The following TBC1D32 variants were observed in gnomAD, a reference collection of about 807,000 sequenced individuals.
TBC1D32 encodes the protein protein broad-minded.
A neutral mutation model predicts 170.3 loss-of-function variants in TBC1D32; 151 were observed. The ratio of observed to expected loss-of-function variants is 0.89; its 90% CI spans 0.78 to 1.01. TBC1D32 has a LOEUF of 1.01. Among genes scored for constraint, TBC1D32 ranks in the 50% least tolerant of loss-of-function variants. The pLI, the probability that TBC1D32 is intolerant of heterozygous loss-of-function variation, is 0.00. For synonymous variants in TBC1D32, 498 were observed against 488.0 expected, an observed-to-expected ratio of 1.02 and a Z score of -0.27; for missense variants, 1,464 against 1,457.1, an observed-to-expected ratio of 1.00 and a Z score of -0.08.
At chr6:121,244,772 T>A (rs1307613331) in intron 17 of TBC1D32, among the ~76,000 whole-genome samples, 1 of 152,184 alleles carries the variant, frequency 6.6e-6, no homozygotes, top group African/African-American at 2.4e-5. Context: ...TTATGCAGGG[T>A]CCATTGGGAG....
At chr6:121,204,296 C>G (rs1029099920) in intron 22 of TBC1D32, among the ~76,000 whole-genome samples, 1 of 151,112 alleles carries the variant, frequency 6.6e-6, no homozygotes, top group Non-Finnish European at 1.5e-5. Flanking sequence ...TATTAATATA[C>G]GGTTAAAAGT....
chr6:121,149,300 G>T (rs10457412), intron 24 of TBC1D32, among the ~76,000 whole-genome samples: 99,244 of 152,014 alleles, frequency 0.65, 37,388 homozygotes, highest in Non-Finnish European at 0.84. Context: ...TGCTGGAATT[G>T]CTTTTGGTGT....
intron 22 of TBC1D32, among the ~76,000 whole-genome samples, chr6:121,187,791 G>C (rs1789399928): frequency 6.7e-6 from 1 of 149,594 alleles, no homozygotes; most frequent in South Asian, 2.1e-4. Context: ...AGTACAAAGT[G>C]GAACAAAAGA....
chr6:121,119,852 T>C (rs539389946), intron 26 of TBC1D32, among the ~76,000 whole-genome samples: 1 of 152,200 alleles, frequency 6.6e-6, no homozygotes, highest in East Asian at 1.9e-4. Context: ...TAATTCTAAT[T>C]TCAACTACCT....
chr6:121,320,983 C>G (rs1809628285), intron 2 of TBC1D32, among the ~76,000 whole-genome samples: 1 of 152,048 alleles, frequency 6.6e-6, no homozygotes, highest in Non-Finnish European at 1.5e-5. Flanking sequence ...CACCTTGTAC[C>G]CTGAGATGCC....
chr6:121,209,031 G>A (rs1469926184), intron 21 of TBC1D32, among the ~76,000 whole-genome samples: 1 of 151,776 alleles, frequency 6.6e-6, no homozygotes, highest in Non-Finnish European at 1.5e-5. Context: ...TAGAGAAGAA[G>A]AGAATAATTA....
intron 21 of TBC1D32, among the ~76,000 whole-genome samples, chr6:121,209,062 C>T (rs1296776063): frequency 4.0e-5 from 6 of 151,824 alleles, no homozygotes; most frequent in Non-Finnish European, 2.9e-5. Flanking sequence ...TTATATATCA[C>T]TTATTATCTG....
intron 15 of TBC1D32, among the ~76,000 whole-genome samples, chr6:121,259,340 T>A (rs1279650158): frequency 6.6e-6 from 1 of 151,852 alleles, no homozygotes; most frequent in Non-Finnish European, 1.5e-5. Flanking sequence ...CTCATAAAGA[T>A]AATGATTGGG....
At chr6:121,121,430 T>C (rs531920529) in intron 26 of TBC1D32, among the ~76,000 whole-genome samples, 71 of 152,210 alleles carry the variant, frequency 4.7e-4, no homozygotes, top group African/African-American at 1.7e-3. Flanking sequence ...GAAGAAATCA[T>C]ATCACCCTTA....
intron 24 of TBC1D32, among the ~76,000 whole-genome samples, chr6:121,138,738 G>C (rs1782421004): frequency 6.6e-6 from 1 of 151,932 alleles, no homozygotes; most frequent in Non-Finnish European, 1.5e-5. Flanking sequence ...TCAACAAAAA[G>C]TATTTATAGA....
intron 1 of TBC1D32, among the ~76,000 whole-genome samples, chr6:121,322,369 A>T (rs1809853754): frequency 6.6e-6 from 1 of 152,102 alleles, no homozygotes; most frequent in Admixed American, 6.6e-5. Flanking sequence ...ATCCTACCAG[A>T]TCTATGTCCC....
chr6:121,317,767 A>C (rs553457675), intron 2 of TBC1D32, 95 bp from the exon 3 acceptor site: 1 of 863,608 alleles, frequency 1.2e-6, no homozygotes, highest in Non-Finnish European at 1.7e-6. Context: ...ATAAAAAGGG[A>C]AGTCCCTTTA....
At position 121,147,843 on chromosome 6, in the gene TBC1D32, C is replaced by T. The variant is rs897245310; in HGVS notation, c.2773+12167G>A. Reference sequence around the variant, plus strand: ...TCCTGATCTCAGGATCGGCCTGCCTCGGCCTCTCAAAGTGCTGGGATTACA... The same window carrying T: ...TCCTGATCTCAGGATCGGCCTGCCTTGGCCTCTCAAAGTGCTGGGATTACA... On this transcript the variant is annotated intron_variant, in intron 24 of 31. Coordinates refer to ENST00000398212, the MANE Select transcript of TBC1D32 (RefSeq NM_152730.6). Among the ~76,000 whole-genome samples, 18 of 151,694 alleles carry T rather than the reference C, an allele frequency of 1.2e-4. 2 individuals are homozygous for T. The South Asian group carries it at 3.8e-3, about 32-fold the overall frequency.
At chr6:121,290,557 G>A (rs1804673225) in intron 12 of TBC1D32, among the ~76,000 whole-genome samples, 1 of 152,184 alleles carries the variant, frequency 6.6e-6, no homozygotes, top group South Asian at 2.1e-4. Context: ...TGGTGGGACT[G>A]TGAACTAGTT....
At chr6:121,333,132 C>T (rs1811418965) in intron 1 of TBC1D32, among the ~76,000 whole-genome samples, 2 of 151,964 alleles carry the variant, frequency 1.3e-5, no homozygotes, top group South Asian at 4.2e-4. Context: ...TTCAGGGTAC[C>T]CAAGGGTATC....
chr6:121,234,614 T>C (rs1796119560), intron 20 of TBC1D32, among the ~76,000 whole-genome samples: 2 of 152,124 alleles, frequency 1.3e-5, no homozygotes, highest in African/African-American at 2.4e-5. Context: ...TTTCCTTTCA[T>C]ATCCTGTATC....
chr6:121,298,865 G>A (rs1329229839), intron 10 of TBC1D32, among the ~76,000 whole-genome samples: 1 of 152,020 alleles, frequency 6.6e-6, no homozygotes, highest in Non-Finnish European at 1.5e-5. Context: ...ACATTTGAAT[G>A]TCTTAATAAA....
rs1799455635 is a variant in TBC1D32 at position 121,259,283 on chromosome 6, C to G, written c.1734-2998G>C. Among the ~76,000 whole-genome samples, 2 of 151,770 alleles carry G rather than the reference C, an allele frequency of 1.3e-5. 1 individual carries two copies. The highest frequency in any genetic ancestry group is 4.2e-4 in the South Asian group (2 of 4,804). On this transcript the variant is annotated intron_variant, in intron 15 of 31. Transcript: ENST00000398212. ...ACTGCACTCCAACCTGGGCGGCAGACTGAGACTCCACCTCAAAAAAATAAA... is the reference window on the plus strand; with the variant it reads ...ACTGCACTCCAACCTGGGCGGCAGAGTGAGACTCCACCTCAAAAAAATAAA...
At chr6:121,187,968 T>C (rs1789421785) in intron 22 of TBC1D32, among the ~76,000 whole-genome samples, 1 of 152,162 alleles carries the variant, frequency 6.6e-6, no homozygotes, top group African/African-American at 2.4e-5. Flanking sequence ...TTGACATATA[T>C]TCTGTGAAGC....
Sources: gnomAD v4.1 joint callset for allele counts (sites outside exome capture counted in the v4.1 genomes callset) on GRCh38, gnomAD v4.1.1 for gene constraint, MANE v1.5 for transcripts, NCBI Gene and HGNC (gene_info 2026-07-23, HGNC 2026-07-21) for gene names.